IQGAP2: variants seen among roughly 807,000 people sequenced by gnomAD.
IQGAP2 encodes the protein IQ motif containing GTPase activating protein 2.
In IQGAP2, 173 loss-of-function variants were observed where a neutral mutation model predicts 201.3. The observed-to-expected ratio is 0.86, with a 90% confidence interval of 0.76 to 0.98. The LOEUF (loss-of-function observed/expected upper bound fraction) is 0.98, where lower values mean the gene tolerates loss of function less well. Among genes scored for constraint, IQGAP2 ranks in the 50% least tolerant of loss-of-function variants. The pLI is 0.00. For synonymous variants in IQGAP2, 675 were observed against 673.9 expected (o/e 1.00, Z -0.03); for missense variants, 1,687 against 1,864.8 (o/e 0.90, Z 1.76).
rs529151580 is a variant in IQGAP2 at position 76,571,768 on chromosome 5, C to G, written c.381+1111C>G. Among the ~76,000 whole-genome samples the G allele has an allele frequency of 2.5e-4, 38 of 152,244 alleles. 1 individual carries two copies. The South Asian group carries it at 7.9e-3, about 32-fold the overall frequency. On this transcript the variant is annotated intron_variant, in intron 4 of 35. Coordinates refer to ENST00000274364, the MANE Select transcript of IQGAP2 (RefSeq NM_006633.5). ...GTAAAAATAGTACTTCTATGTTTATCCTTCATTCAGCTTTCCCCTAGTGGT... is the reference window on the plus strand; with the variant it reads ...GTAAAAATAGTACTTCTATGTTTATGCTTCATTCAGCTTTCCCCTAGTGGT...
At chr5:76,626,769 GGA>G (rs999842002) in intron 13 of IQGAP2, among the ~76,000 whole-genome samples, 5 of 152,154 alleles carry the variant, frequency 3.3e-5, no homozygotes, top group Non-Finnish European at 1.5e-5. Context: ...ATTGATTGAG[GGA>G]GAGAGTGTTT....
chr5:76,586,339 C>T (rs62362015), intron 5 of IQGAP2, among the ~76,000 whole-genome samples: 6,513 of 149,320 alleles, frequency 0.044, 204 homozygotes, highest in Non-Finnish European at 0.063. Flanking sequence ...ACTAATGTTA[C>T]ACATATGGTA....
chr5:76,697,924 A>T (rs1746906286), intron 32 of IQGAP2, 63 bp from the exon 33 acceptor site: 1 of 1,307,270 alleles, frequency 7.6e-7, no homozygotes, highest in African/African-American at 1.5e-5. Flanking sequence ...TTCTTGTCCC[A>T]AACTGGCAAT....
At chr5:76,597,371 G>T (rs948772421) in intron 9 of IQGAP2, 68 bp from the exon 10 acceptor site, 1 of 1,507,030 alleles carries the variant, frequency 6.6e-7, no homozygotes, top group Non-Finnish European at 9.1e-7. Flanking sequence ...TTGGGAAGAA[G>T]GGCTGGTTGG....
intron 16 of IQGAP2, among the ~76,000 whole-genome samples, chr5:76,639,871 A>C (rs919384779): frequency 6.6e-6 from 1 of 152,234 alleles, no homozygotes; most frequent in African/African-American, 2.4e-5. Flanking sequence ...ATGGATTATT[A>C]GTGCTAATTT....
At chr5:76,627,859 A>G (rs10805905) in intron 14 of IQGAP2, among the ~76,000 whole-genome samples, 55,424 of 152,022 alleles carry the variant, frequency 0.36, 10,120 homozygotes, top group East Asian at 0.4. Context: ...AGGGTTTTCC[A>G]CAGAAACAGA....
chr5:76,457,398 C>T (rs1476846202), intron 1 of IQGAP2, among the ~76,000 whole-genome samples: 2 of 152,204 alleles, frequency 1.3e-5, no homozygotes, highest in Admixed American at 6.5e-5. Flanking sequence ...CCAACCCTCC[C>T]TTCAATATAT....
At chr5:76,551,032 G>A (rs1743447990) in intron 2 of IQGAP2, among the ~76,000 whole-genome samples, 3 of 149,848 alleles carry the variant, frequency 2.0e-5, no homozygotes, top group South Asian at 2.1e-4. Flanking sequence ...GGGCAGAGAG[G>A]CTCCTCACTT....
rs866422077 is a variant in IQGAP2, at chr5:76,443,632, G to A, written c.47-17938G>A. ...GTTTTCTTCCTCTGAAAATAAAGCCGTCTCTCTAGCCAGGGTTGTTAGAAA... is the reference window on the plus strand; with the variant it reads ...GTTTTCTTCCTCTGAAAATAAAGCCATCTCTCTAGCCAGGGTTGTTAGAAA... On this transcript the variant is annotated intron_variant, in intron 1 of 35. Coordinates refer to ENST00000274364, the MANE Select transcript of IQGAP2 (RefSeq NM_006633.5). Among the ~76,000 whole-genome samples the A allele has an allele frequency of 5.9e-5, 9 of 152,098 alleles. 1 individual carries two copies. The highest frequency in any genetic ancestry group is 2.1e-4 in the South Asian group (1 of 4,814).
intron 11 of IQGAP2, among the ~76,000 whole-genome samples, chr5:76,605,686 A>G (rs1056952718): frequency 4.6e-5 from 7 of 152,220 alleles, no homozygotes; most frequent in African/African-American, 1.2e-4. Context: ...TTAGGCCTCA[A>G]AGTGGCTCTA....
chr5:76,633,926 C>G (rs991888412), intron 15 of IQGAP2, among the ~76,000 whole-genome samples: 1 of 152,044 alleles, frequency 6.6e-6, no homozygotes, highest in Non-Finnish European at 1.5e-5. Context: ...CAGCCATCAA[C>G]TGATGGAACC....
At position 76,521,950 on chromosome 5, in the gene IQGAP2, T is replaced by TA. The variant is rs146699677; in HGVS notation, c.147-40435dup. Among the ~76,000 whole-genome samples, 304 of 148,856 alleles carry TA rather than the reference T, an allele frequency of 2.0e-3. 2 individuals carry two copies. The highest frequency in any genetic ancestry group is 3.4e-3 in the Middle Eastern group (1 of 294). On this transcript the variant is annotated intron_variant, in intron 2 of 35. Transcript: ENST00000274364. ...TGTGTCATTCAAAAGAATTGATAATTAAAAAAAAAAATGCAACCAACAGAA... is the reference window on the plus strand; with the variant it reads ...TGTGTCATTCAAAAGAATTGATAATTAAAAAAAAAAAATGCAACCAACAGAA...
At chr5:76,436,513 ATATATTTTTTTTTTTTTTT>A (rs1752698838) in intron 1 of IQGAP2, among the ~76,000 whole-genome samples, 2 of 22,602 alleles carry the variant, frequency 8.8e-5, no homozygotes, top group Non-Finnish European at 1.3e-4. Flanking sequence ...ATATATATAT[ATATATTTTTTTTTTTTTTT>A]TTTTTTTTTT....
intron 2 of IQGAP2, among the ~76,000 whole-genome samples, chr5:76,496,269 C>T (rs1756885421): frequency 6.6e-6 from 1 of 152,186 alleles, no homozygotes; most frequent in African/African-American, 2.4e-5. Flanking sequence ...CTTAGGGTCT[C>T]TCAAGGCTGC....
At chr5:76,598,012 G>T (rs1276051345) in intron 10 of IQGAP2, among the ~76,000 whole-genome samples, 1 of 152,138 alleles carries the variant, frequency 6.6e-6, no homozygotes, top group Non-Finnish European at 1.5e-5. Flanking sequence ...CCATGGCTTT[G>T]ATTTTTGTGA....
intron 14 of IQGAP2, among the ~76,000 whole-genome samples, chr5:76,628,968 T>C (rs1457586997): frequency 6.6e-6 from 1 of 152,206 alleles, no homozygotes; most frequent in Non-Finnish European, 1.5e-5. Flanking sequence ...TTATGATTTG[T>C]CTCTTAGAAA....
intron 32 of IQGAP2, 43 bp downstream of exon 32, chr5:76,695,709 T>C (rs773184161): frequency 2.6e-6 from 4 of 1,516,198 alleles, no homozygotes; most frequent in Non-Finnish European, 2.7e-6. Context: ...TTAGCAGACA[T>C]TTGCTAATCA....
chr5:76,432,708 CT>C (rs1419043611), intron 1 of IQGAP2, among the ~76,000 whole-genome samples: 1 of 152,258 alleles, frequency 6.6e-6, no homozygotes, highest in East Asian at 1.9e-4. Flanking sequence ...TTAGCTGATA[CT>C]TCCTACCTGT....
rs1758098915 is a variant in IQGAP2 at position 76,513,302 on chromosome 5, AC to A, written c.147-49091del. Among the ~76,000 whole-genome samples the A allele has an allele frequency of 3.3e-5, 5 of 152,256 alleles. No homozygotes were observed. In the South Asian group the frequency reaches 1.0e-3, roughly 32 times the overall value. On this transcript the variant is annotated intron_variant, in intron 2 of 35. Coordinates refer to ENST00000274364, the MANE Select transcript of IQGAP2 (RefSeq NM_006633.5). Reference sequence around the variant, plus strand: ...TTTTCCCCAAAATACATTTTTAAGAACCCTTGAGATTTCAAAGATCAAGACC... The same window carrying A: ...TTTTCCCCAAAATACATTTTTAAGAACCTTGAGATTTCAAAGATCAAGACC...
Sources: gnomAD v4.1 joint callset for allele counts (sites outside exome capture counted in the v4.1 genomes callset) on GRCh38, gnomAD v4.1.1 for gene constraint, MANE v1.5 for transcripts, NCBI Gene and HGNC (gene_info 2026-07-23, HGNC 2026-07-21) for gene names.